The following SLC24A4 variants were observed in gnomAD, a reference collection of about 807,000 sequenced individuals.
SLC24A4 encodes the protein solute carrier family 24 member 4, also known as sodium/potassium/calcium exchanger 4.
A neutral mutation model predicts 79.0 loss-of-function variants in SLC24A4; 53 were observed. That is an observed-to-expected ratio of 0.67 (90% CI 0.54 to 0.84). The LOEUF is 0.84. SLC24A4 is among the 40% of genes least tolerant of loss of function. The pLI is 0.00. For synonymous variants in SLC24A4, 323 were observed against 323.8 expected, an observed-to-expected ratio of 1.00 and a Z score of 0.03; for missense variants, 731 against 822.0, an observed-to-expected ratio of 0.89 and a Z score of 1.35.
intron 2 of SLC24A4, among the ~76,000 whole-genome samples, chr14:92,361,529 C>A (rs1270988019): frequency 6.6e-6 from 1 of 152,022 alleles, no homozygotes; most frequent in African/African-American, 2.4e-5. Context: ...AGATTTAGGG[C>A]AAGGACAGCC....
intron 16 of SLC24A4, chr14:92,492,727 G>T: frequency 2.5e-6 from 1 of 402,044 alleles, no homozygotes. Context: ...TCGGGGCTCA[G>T]GGGTTAACTT....
At chr14:92,332,962 C>G (rs78545285) in intron 2 of SLC24A4, among the ~76,000 whole-genome samples, 3,616 of 152,234 alleles carry the variant, frequency 0.024, 141 homozygotes, top group African/African-American at 0.081. Flanking sequence ...GGAGGATGGC[C>G]TACCTTGTAG....
chr14:92,341,416 G>T (rs1478374519), intron 2 of SLC24A4, among the ~76,000 whole-genome samples: 1 of 152,216 alleles, frequency 6.6e-6, no homozygotes, highest in Non-Finnish European at 1.5e-5. Context: ...TGCCCAGAAA[G>T]AGGTGGAAAC....
In SLC24A4 at chr14:92,494,010, A is replaced by G. The variant is rs1402151888; in HGVS notation, c.*382A>G. 5.1e-6 allele frequency: 1 copy of G among 195,138 alleles called. No individual in the cohort carries two copies. Among genetic ancestry groups the G allele is most frequent in the Non-Finnish European group, 1.1e-5 (1 of 93,418 alleles). The allele number at this position is 195,138 out of a possible 1,614,324, so 12.1% of individuals were successfully genotyped here. A position where few individuals can be genotyped will look rare whatever the true frequency, so the allele number is the denominator to read the frequency against. On this transcript the variant is annotated 3_prime_UTR_variant, in exon 17 of 17. Coordinates refer to ENST00000532405, the MANE Select transcript of SLC24A4 (RefSeq NM_153646.4). The surrounding 1 kb of genome is among the most constrained non-coding windows in gnomAD (Gnocchi z 4.6). Reference sequence around the variant, plus strand: ...CAGAATTGAGGTCATTTGTGAGCACAAGATCTCATAGGGCAGGTGCAAAAT... The same window carrying G: ...CAGAATTGAGGTCATTTGTGAGCACGAGATCTCATAGGGCAGGTGCAAAAT...
At chr14:92,389,061 G>GA (rs1889325114) in intron 2 of SLC24A4, among the ~76,000 whole-genome samples, 1 of 152,336 alleles carries the variant, frequency 6.6e-6, no homozygotes, top group East Asian at 1.9e-4. Context: ...ACTGGGTGGG[G>GA]AGGCAGCAGG....
chr14:92,375,025 G>T (rs1382501923), intron 2 of SLC24A4, among the ~76,000 whole-genome samples: 1 of 152,168 alleles, frequency 6.6e-6, no homozygotes, highest in Non-Finnish European at 1.5e-5. Flanking sequence ...TATGCCCTCT[G>T]TCTTCACTCC....
intron 12 of SLC24A4, among the ~76,000 whole-genome samples, chr14:92,462,950 G>T (rs549861616): frequency 6.6e-5 from 10 of 152,168 alleles, no homozygotes; most frequent in Admixed American, 2.0e-4. Context: ...TTGGGAGCTC[G>T]TAAGGGAATT....
At chr14:92,335,182 C>G (rs899512418) in intron 2 of SLC24A4, among the ~76,000 whole-genome samples, 1 of 152,170 alleles carries the variant, frequency 6.6e-6, no homozygotes, top group Admixed American at 6.6e-5. Context: ...CAGAGTTCCT[C>G]TGTTACCCCT....
intron 2 of SLC24A4, among the ~76,000 whole-genome samples, chr14:92,367,320 A>AT (rs1465649708): frequency 6.6e-6 from 1 of 152,200 alleles, no homozygotes; most frequent in African/African-American, 2.4e-5. Flanking sequence ...ATAACTGTGT[A>AT]TTAACTCACT....
intron 2 of SLC24A4, among the ~76,000 whole-genome samples, chr14:92,337,924 G>A (rs965883731): frequency 1.3e-5 from 2 of 151,936 alleles, no homozygotes; most frequent in South Asian, 2.1e-4. Flanking sequence ...ACAAATTTTC[G>A]GAGCTGCCCT....
Position 92,334,229 on chromosome 14 carries a change from T to G in SLC24A4, c.241+8251T>G, listed in dbSNP as rs146600155. ...GCAGGGAAATCACAGTTCTATTCCT[T>G]TCCCAGACAGCAGGGGCAGGATGTC... On this transcript the variant is annotated intron_variant, in intron 2 of 16. Transcript: ENST00000532405. Among the ~76,000 whole-genome samples the G allele has an allele frequency of 7.8e-3, 1,195 of 152,328 alleles. 8 individuals carry two copies. Among genetic ancestry groups the G allele is most frequent in the Non-Finnish European group, 0.013 (885 of 68,034 alleles).
rs934480066 is a variant in SLC24A4 at position 92,490,430 on chromosome 14, CA to C, written c.1538-1234del. Reference sequence around the variant, plus strand: ...TGGACAGGAAGGGGAAGGACGAGGACATGGGCCCCAGCCTCTGATGTGCTTC... The same window carrying C: ...TGGACAGGAAGGGGAAGGACGAGGACTGGGCCCCAGCCTCTGATGTGCTTC... On this transcript the variant is annotated intron_variant, in intron 14 of 16. Transcript: ENST00000532405. The surrounding 1 kb of genome is among the most constrained non-coding windows in gnomAD (Gnocchi z 4.3). 2.0e-5 allele frequency among the ~76,000 whole-genome samples: 3 copies of C among 152,194 alleles called. No individual in the cohort carries two copies. The highest frequency in any genetic ancestry group is 7.2e-5 in the African/African-American group (3 of 41,446).
chr14:92,394,338 A>G (rs1237777198), intron 2 of SLC24A4, among the ~76,000 whole-genome samples: 1 of 151,932 alleles, frequency 6.6e-6, no homozygotes, highest in Admixed American at 6.6e-5. Context: ...GCTTATGCCT[A>G]TAATCCTAGT....
intron 12 of SLC24A4, among the ~76,000 whole-genome samples, chr14:92,470,475 AT>A (rs923136704): frequency 2.0e-5 from 3 of 151,828 alleles, no homozygotes; most frequent in Non-Finnish European, 2.9e-5. Flanking sequence ...TCTGTTCTTA[AT>A]TTTTTTCTCC....
intron 2 of SLC24A4, among the ~76,000 whole-genome samples, chr14:92,418,665 T>G (rs1743801938): frequency 6.6e-6 from 1 of 152,068 alleles, no homozygotes; most frequent in Admixed American, 6.6e-5. Flanking sequence ...CCTCAGTTGT[T>G]GTTGTTTTGT....
At chr14:92,479,258 G>A (rs1894931399) in intron 12 of SLC24A4, among the ~76,000 whole-genome samples, 1 of 152,012 alleles carries the variant, frequency 6.6e-6, no homozygotes, top group African/African-American at 2.4e-5. Flanking sequence ...TCTTCATCTT[G>A]TTTCTGATTT....
chr14:92,342,400 T>A (rs1595138382), intron 2 of SLC24A4, among the ~76,000 whole-genome samples: 2 of 63,518 alleles, frequency 3.1e-5, no homozygotes, highest in African/African-American at 1.3e-4. Flanking sequence ...TTATTTATTT[T>A]GAGATGGACT....
intron 12 of SLC24A4, among the ~76,000 whole-genome samples, chr14:92,480,286 C>CTTTTTTTTTTGT (rs1894984177): frequency 1.6e-5 from 1 of 63,090 alleles, no homozygotes; most frequent in East Asian, 5.2e-4. Flanking sequence ...AGATCTTTCC[C>CTTTTTTTTTTGT]TTTTTTTTTT....
chr14:92,341,413 A>G (rs1050874012), intron 2 of SLC24A4, among the ~76,000 whole-genome samples: 12 of 152,228 alleles, frequency 7.9e-5, no homozygotes, highest in Admixed American at 7.2e-4. Flanking sequence ...CGGTGCCCAG[A>G]AAGAGGTGGA....
Sources: gnomAD v4.1 joint callset for allele counts (sites outside exome capture counted in the v4.1 genomes callset) on GRCh38, gnomAD v4.1.1 for gene constraint, Gnocchi (gnomAD v3.1) non-coding constraint, MANE v1.5 for transcripts, NCBI Gene and HGNC (gene_info 2026-07-23, HGNC 2026-07-21) for gene names.